SLC34A2: variants seen among roughly 807,000 people sequenced by gnomAD.
SLC34A2 encodes sodium-dependent phosphate transport protein 2B.
In SLC34A2, 41 loss-of-function variants were observed where a neutral mutation model predicts 50.8. The ratio of observed to expected loss-of-function variants is 0.81; its 90% CI spans 0.63 to 1.05. The LOEUF (loss-of-function observed/expected upper bound fraction) is 1.05, where lower values mean the gene tolerates loss of function less well. Among genes scored for constraint, SLC34A2 ranks in the 50% least tolerant of loss-of-function variants. SLC34A2 has a pLI of 0.00. For missense variants in SLC34A2, 879 were observed against 876.7 expected (o/e 1.00, Z -0.03); for synonymous variants, 401 against 364.2 (o/e 1.10, Z -1.15).
In SLC34A2 at chr4:25,658,979, G is replaced by A. The variant is rs1387311115; in HGVS notation, c.-4+3089G>A. On this transcript the variant is annotated intron_variant, in intron 1 of 12. Coordinates refer to ENST00000382051, the MANE Select transcript of SLC34A2 (RefSeq NM_006424.3). ...CAACATTCTTGGGCGGGCATTTCCAGCATCTGAATGATCATGTGGGAGTGA... is the reference window on the plus strand; with the variant it reads ...CAACATTCTTGGGCGGGCATTTCCAACATCTGAATGATCATGTGGGAGTGA... Among the ~76,000 whole-genome samples, 5 of 144,726 alleles carry A rather than the reference G, an allele frequency of 3.5e-5. No homozygotes were observed. The East Asian group carries it at 1.0e-3, about 30-fold the overall frequency. The allele number at this position is 144,726 out of a possible 152,430, so 94.9% of individuals were successfully genotyped here.
At chr4:25,669,260 CTA>C (rs1308292442) in intron 6 of SLC34A2, among the ~76,000 whole-genome samples, 1 of 152,088 alleles carries the variant, frequency 6.6e-6, no homozygotes, top group African/African-American at 2.4e-5. Context: ...TTTATGATTT[CTA>C]TGTGTTTGGA....
At position 25,673,080 on chromosome 4, in the gene SLC34A2, C is replaced by T; in HGVS notation, c.1049-7C>T. 6.2e-7 allele frequency: 1 copy of T among 1,614,136 alleles called. No individual in the cohort carries two copies. The highest frequency in any genetic ancestry group is 8.5e-7 in the Non-Finnish European group (1 of 1,180,016). ...CCCTCCTGACAAGATTCTTTGTGGT[C>T]TTTCAGGCCAGCATATCTTTGTGAA... On this transcript the variant is annotated splice_region_variant and splice_polypyrimidine_tract_variant and intron_variant, in intron 9 of 12. Coordinates refer to ENST00000382051, the MANE Select transcript of SLC34A2 (RefSeq NM_006424.3).
intron 5 of SLC34A2, among the ~76,000 whole-genome samples, chr4:25,667,467 G>A (rs546281925): frequency 6.6e-6 from 1 of 152,264 alleles, no homozygotes; most frequent in East Asian, 1.9e-4. Context: ...AGCTGAGATC[G>A]AGCCACTGCT....
chr4:25,669,120 T>C (rs1377260466), intron 6 of SLC34A2, among the ~76,000 whole-genome samples: 1 of 152,182 alleles, frequency 6.6e-6, no homozygotes, highest in Non-Finnish European at 1.5e-5. Flanking sequence ...ATAGAGGTCT[T>C]TTTAAGTTAA....
At chr4:25,667,825 G>T in intron 5 of SLC34A2, 55 bp from the exon 6 acceptor site, 1 of 1,183,468 alleles carries the variant, frequency 8.4e-7, no homozygotes, top group South Asian at 1.2e-5. Flanking sequence ...GGTAACTTTA[G>T]CCTGCCTCCA....
chr4:25,664,507 G>C (rs990554692), intron 4 of SLC34A2, among the ~76,000 whole-genome samples, 177 bp downstream of exon 4: 6 of 152,182 alleles, frequency 3.9e-5, no homozygotes, highest in Non-Finnish European at 8.8e-5. Context: ...GAAAACTGAG[G>C]CCTATACAAA....
In SLC34A2 at chr4:25,676,253, G is replaced by A. The variant is rs1415224624; in HGVS notation, c.1577G>A (p.Arg526His). 5.0e-6 allele frequency: 8 copies of A among 1,614,030 alleles called. No individual in the cohort carries two copies. The highest frequency in any genetic ancestry group is 5.9e-6 in the Non-Finnish European group (7 of 1,180,044). ...KGLGNISAKY[R>H]WFAVFYLIIF... is the part of the protein sequence containing the mutation. The stretch of plus-strand genomic sequence containing the variant: ...CTGGGCAACATCTCTGCCAAGTATC[G>A]CTGGTTCGCCGTCTTCTACCTGATC... The change falls in exon 13 of 13, where the codon CGC becomes CAC. Residue 526 changes from arginine (R) to histidine (H), a missense_variant. By Grantham distance (29) the Arg-to-His change is conservative. Coordinates refer to ENST00000382051, the MANE Select transcript of SLC34A2 (RefSeq NM_006424.3).
intron 1 of SLC34A2, among the ~76,000 whole-genome samples, chr4:25,657,223 G>A (rs963981854): frequency 4.6e-5 from 7 of 152,072 alleles, no homozygotes; most frequent in Non-Finnish European, 1.0e-4. Context: ...TAGACACAAA[G>A]GGGACAAAAA....
chr4:25,669,371 C>T (rs1207506717), intron 6 of SLC34A2, among the ~76,000 whole-genome samples: 2 of 152,140 alleles, frequency 1.3e-5, no homozygotes, highest in African/African-American at 2.4e-5. Context: ...TACAAAAGTG[C>T]CCTTGATGCA....
chr4:25,675,936 C>T (rs528477502), intron 12 of SLC34A2, among the ~76,000 whole-genome samples, 199 bp from the exon 13 acceptor site: 13 of 152,348 alleles, frequency 8.5e-5, no homozygotes, highest in African/African-American at 2.6e-4. Context: ...CAGTTGAGTG[C>T]TCCTGGCCCT....
intron 9 of SLC34A2, among the ~76,000 whole-genome samples, chr4:25,671,935 C>T (rs11731126): frequency 0.025 from 3,879 of 152,310 alleles, 68 homozygotes; most frequent in Middle Eastern, 0.088. Context: ...AAGGGCAGAA[C>T]TGGAACTTGA....
chr4:25,664,423 A>G, intron 4 of SLC34A2, 93 bp downstream of exon 4: 2 of 1,370,460 alleles, frequency 1.5e-6, no homozygotes, highest in Non-Finnish European at 2.1e-6. Flanking sequence ...CTCCAGCTGC[A>G]GCCTCCTGGA....
At chr4:25,661,489 G>A (rs1714180884) in intron 1 of SLC34A2, among the ~76,000 whole-genome samples, 1 of 152,150 alleles carries the variant, frequency 6.6e-6, no homozygotes, top group African/African-American at 2.4e-5. Flanking sequence ...CCAGGTTCAA[G>A]CAATTCTCAT....
At chr4:25,663,497 T>C (rs1276090700) in intron 3 of SLC34A2, among the ~76,000 whole-genome samples, 2 of 152,124 alleles carry the variant, frequency 1.3e-5, no homozygotes, top group African/African-American at 4.8e-5. Context: ...TGGGCATATT[T>C]CTAGTAAAAG....
intron 4 of SLC34A2, among the ~76,000 whole-genome samples, chr4:25,664,737 T>C (rs1714398785): frequency 6.6e-6 from 1 of 151,578 alleles, no homozygotes; most frequent in Non-Finnish European, 1.5e-5. Context: ...CAGGGCCCCT[T>C]CTCTGGGCTG....
intron 1 of SLC34A2, among the ~76,000 whole-genome samples, chr4:25,659,724 G>A (rs1714080432): frequency 6.6e-6 from 1 of 152,166 alleles, no homozygotes; most frequent in African/African-American, 2.4e-5. Flanking sequence ...ATAGTGAGGG[G>A]CAGGCCTCTG....
At chr4:25,662,047 T>A (rs2109047883) in intron 1 of SLC34A2, among the ~76,000 whole-genome samples, 1 of 152,150 alleles carries the variant, frequency 6.6e-6, no homozygotes, top group East Asian at 1.9e-4. Context: ...AATTTTTATA[T>A]TTTTAGTAGA....
At chr4:25,675,823 C>G (rs1352634886) in intron 12 of SLC34A2, among the ~76,000 whole-genome samples, 1 of 152,234 alleles carries the variant, frequency 6.6e-6, no homozygotes, top group Non-Finnish European at 1.5e-5. Context: ...ATTTCCACCT[C>G]TTCCATCTCC....
Position 25,676,835 on chromosome 4 carries a change from C to T in SLC34A2, c.*86C>T. ...CTCCCACTTCTGCACCCTTTCACCA[C>T]CTCGAGGAGATTTGCTCCCCATTAG... is the stretch of plus-strand genomic sequence containing the variant. On this transcript the variant is annotated 3_prime_UTR_variant, in exon 13 of 13. Coordinates refer to ENST00000382051, the MANE Select transcript of SLC34A2 (RefSeq NM_006424.3). 6.3e-7 allele frequency: 1 copy of T among 1,579,156 alleles called. No individual in the cohort carries two copies. Among genetic ancestry groups the T allele is most frequent in the Non-Finnish European group, 8.7e-7 (1 of 1,154,624 alleles).
Sources: allele counts gnomAD v4.1 joint callset (sites outside exome capture counted in the v4.1 genomes callset), GRCh38; gene constraint gnomAD v4.1.1; transcripts MANE v1.5; gene names NCBI Gene and HGNC (gene_info 2026-07-23, HGNC 2026-07-21).